P4HA1: variants seen among roughly 807,000 people sequenced by gnomAD.
The protein encoded by P4HA1 is prolyl 4-hydroxylase subunit alpha-1.
P4HA1 carries 24 observed loss-of-function variants against 72.8 expected under a neutral mutation model. That is an observed-to-expected ratio of 0.33 (90% CI 0.24 to 0.46). The LOEUF is 0.46. P4HA1 is among the 20% of genes least tolerant of loss of function. P4HA1 has a pLI of 1.00. For synonymous variants in P4HA1, 201 were observed against 218.8 expected (o/e 0.92, Z 0.72); for missense variants, 446 against 640.6 (o/e 0.70, Z 3.28).
At chr10:73,064,711 G>A (rs1428106710) in intron 5 of P4HA1, among the ~76,000 whole-genome samples, 2 of 151,552 alleles carry the variant, frequency 1.3e-5, no homozygotes, top group Admixed American at 6.6e-5. Flanking sequence ...CATGGTGGTG[G>A]GCACCTGTAA....
intron 10 of P4HA1, among the ~76,000 whole-genome samples, chr10:73,020,811 T>C (rs1840117874): frequency 6.6e-6 from 1 of 152,188 alleles, no homozygotes; most frequent in Non-Finnish European, 1.5e-5. Context: ...TATGATCATC[T>C]CTGCAAATGC....
At chr10:73,077,574 CA>C (rs1346129719) in intron 1 of P4HA1, among the ~76,000 whole-genome samples, 1 of 152,030 alleles carries the variant, frequency 6.6e-6, no homozygotes, top group African/African-American at 2.4e-5. Flanking sequence ...CATAATGTTT[CA>C]AAATGAATTC....
intron 14 of P4HA1, among the ~76,000 whole-genome samples, chr10:73,008,605 T>G (rs1839843544): frequency 6.6e-6 from 1 of 152,190 alleles, no homozygotes; most frequent in Admixed American, 6.5e-5. Flanking sequence ...GAGACACAAA[T>G]GGACCTAAGA....
chr10:73,037,102 T>C (rs866190356), intron 9 of P4HA1, among the ~76,000 whole-genome samples: 9 of 152,088 alleles, frequency 5.9e-5, no homozygotes, highest in Non-Finnish European at 1.3e-4. Context: ...ATACAGTGTT[T>C]TTCCCCATAA....
chr10:73,033,947 G>A (rs1474172065), intron 9 of P4HA1, among the ~76,000 whole-genome samples: 4 of 152,186 alleles, frequency 2.6e-5, no homozygotes, highest in Non-Finnish European at 5.9e-5. Flanking sequence ...GATGGGCACA[G>A]TGTCTCAAAT....
At chr10:73,084,015 G>A (rs1841876157) in intron 1 of P4HA1, among the ~76,000 whole-genome samples, 1 of 152,006 alleles carries the variant, frequency 6.6e-6, no homozygotes, top group Admixed American at 6.6e-5. Flanking sequence ...ATAAATCATA[G>A]AGTTAGCAAA....
chr10:73,092,917 G>A (rs999695280), intron 1 of P4HA1, among the ~76,000 whole-genome samples: 1 of 151,598 alleles, frequency 6.6e-6, no homozygotes, highest in Non-Finnish European at 1.5e-5. Context: ...CCAGGAGTTC[G>A]AGACTAGCCT....
intron 5 of P4HA1, among the ~76,000 whole-genome samples, chr10:73,058,535 G>A (rs1841214647): frequency 6.6e-6 from 1 of 152,072 alleles, no homozygotes; most frequent in Non-Finnish European, 1.5e-5. Context: ...TCATGGGTCT[G>A]GGGACTAACG....
chr10:73,019,730 G>GAAAAAA lies in P4HA1; in HGVS notation c.1249-2837_1249-2832dup, dbSNP rs3066045. ...GGCGACAGAGCGAGACTCTGTCTCA[G>GAAAAAA]AAAAAAAAAAAAAAAAAGAATTCAA... On this transcript the variant is annotated intron_variant, in intron 10 of 14. Coordinates refer to ENST00000394890, the MANE Select transcript of P4HA1 (RefSeq NM_001017962.3). 6.1e-3 allele frequency among the ~76,000 whole-genome samples: 400 copies of GAAAAAA among 65,222 alleles called. 42 individuals carry two copies. The highest frequency in any genetic ancestry group is 7.1e-3 in the Non-Finnish European group (301 of 42,506). The allele number at this position is 65,222 out of a possible 152,430, so 42.8% of individuals were successfully genotyped here.
intron 1 of P4HA1, among the ~76,000 whole-genome samples, chr10:73,075,728 TTA>T (rs147492908): frequency 0.034 from 5,110 of 150,076 alleles, 276 homozygotes; most frequent in African/African-American, 0.11. Flanking sequence ...CATATATATT[TTA>T]TATATATATA....
At chr10:73,067,041 A>AT (rs1029222918) in intron 5 of P4HA1, among the ~76,000 whole-genome samples, 47 of 152,074 alleles carry the variant, frequency 3.1e-4, no homozygotes, top group African/African-American at 1.1e-3. Flanking sequence ...CTAAGTTTTC[A>AT]TTTTTTTGTA....
intron 1 of P4HA1, among the ~76,000 whole-genome samples, chr10:73,078,665 G>A (rs1328443082): frequency 7.5e-6 from 1 of 133,890 alleles, no homozygotes; most frequent in Non-Finnish European, 1.5e-5. Flanking sequence ...AGGCTGGAGT[G>A]TAGTAGCGCA....
At chr10:73,093,907 T>TAC (rs376131663) in intron 1 of P4HA1, among the ~76,000 whole-genome samples, 1,526 of 55,156 alleles carry the variant, frequency 0.028, 58 homozygotes, top group African/African-American at 0.052. Context: ...TATATATATA[T>TAC]ACACACACAC....
chr10:73,077,904 A>C (rs895246617), intron 1 of P4HA1, among the ~76,000 whole-genome samples: 60 of 151,338 alleles, frequency 4.0e-4, no homozygotes, highest in Non-Finnish European at 2.9e-5. Context: ...TAGGAGGATC[A>C]CTTGAGACCA....
chr10:73,058,165 G>C (rs1299726960), intron 5 of P4HA1, among the ~76,000 whole-genome samples: 1 of 135,630 alleles, frequency 7.4e-6, no homozygotes, highest in Non-Finnish European at 1.6e-5. Context: ...AGGGAAAAAA[G>C]AAAGGGGATG....
intron 1 of P4HA1, among the ~76,000 whole-genome samples, chr10:73,081,506 A>G (rs1841822700): frequency 6.6e-6 from 1 of 152,208 alleles, no homozygotes; most frequent in South Asian, 2.1e-4. Context: ...AAACATTTTC[A>G]GGTAGGCCTG....
At chr10:73,019,234 A>C (rs1396448608) in intron 10 of P4HA1, among the ~76,000 whole-genome samples, 1 of 152,200 alleles carries the variant, frequency 6.6e-6, no homozygotes, top group African/African-American at 2.4e-5. Context: ...GCTATAAGAG[A>C]CTACAGTACT....
intron 7 of P4HA1, 72 bp downstream of exon 7, chr10:73,050,981 T>C: frequency 9.6e-7 from 1 of 1,041,894 alleles, no homozygotes; most frequent in Non-Finnish European, 1.4e-6. Context: ...AAATAACTGA[T>C]TCTCTCCAGA....
In P4HA1 at chr10:73,073,838, A is replaced by G. The variant is rs766401542; in HGVS notation, c.77-11T>C. 1 of 1,312,664 alleles carries G rather than the reference A, an allele frequency of 7.6e-7. No individual in the cohort carries two copies. The highest frequency in any genetic ancestry group is 1.1e-6 in the Non-Finnish European group (1 of 906,592). The allele number at this position is 1,312,664 out of a possible 1,614,324, so 81.3% of individuals were successfully genotyped here. ...AATCAGTCATCTGACCTAGAAGGGGAAGAAGGTTATCAAATACTCATATCC... is the reference window on the plus strand; with the variant it reads ...AATCAGTCATCTGACCTAGAAGGGGGAGAAGGTTATCAAATACTCATATCC... On this transcript the variant is annotated splice_polypyrimidine_tract_variant and intron_variant, in intron 2 of 14. Transcript: ENST00000394890.
Sources: allele counts gnomAD v4.1 joint callset (sites outside exome capture counted in the v4.1 genomes callset), GRCh38; gene constraint gnomAD v4.1.1; transcripts MANE v1.5; gene names NCBI Gene and HGNC (gene_info 2026-07-23, HGNC 2026-07-21).